Variants in ARHGAP25 observed in about 807,000 individuals in gnomAD.
The protein encoded by ARHGAP25 is rho GTPase-activating protein 25.
Under a neutral mutation model 71.0 loss-of-function variants are expected in ARHGAP25, and 34 were observed. The ratio of observed to expected loss-of-function variants is 0.48; its 90% confidence interval spans 0.36 to 0.64. The LOEUF is 0.64. Among genes scored for constraint, ARHGAP25 ranks in the 30% least tolerant of loss-of-function variants. The pLI, the probability that ARHGAP25 is intolerant of heterozygous loss-of-function variation, is 0.00. For synonymous variants in ARHGAP25, 282 were observed against 296.5 expected (o/e 0.95, Z 0.50); for missense variants, 706 against 805.1 (o/e 0.88, Z 1.49).
chr2:68,795,315 G>A (rs1558643075), intron 4 of ARHGAP25, among the ~76,000 whole-genome samples: 1 of 152,070 alleles, frequency 6.6e-6, no homozygotes, highest in East Asian at 1.9e-4. Flanking sequence ...CTTATTTTGA[G>A]TTTGGTCTGT....
chr2:68,747,304 T>C (rs1212127982), intron 1 of ARHGAP25, among the ~76,000 whole-genome samples: 1 of 152,176 alleles, frequency 6.6e-6, no homozygotes, highest in Non-Finnish European at 1.5e-5. Flanking sequence ...AACAATGAAG[T>C]GTCCCAAGCA....
In ARHGAP25 at chr2:68,735,230, T is replaced by A. The variant is rs780608859; in HGVS notation, c.31T>A (p.Phe11Ile). 6.2e-6 allele frequency: 10 copies of A among 1,614,190 alleles called. No homozygotes were observed. The South Asian group carries it at 9.9e-5, about 16-fold the overall frequency. MSLKLPRNWD[F>I]NLKVEAAKIA... Reference sequence around the variant, plus strand: ...CCTAAAATTGCCAAGGAACTGGGATTTCAACCTGAAAGTGGAGGCTGCGAA... The same window carrying A: ...CCTAAAATTGCCAAGGAACTGGGATATCAACCTGAAAGTGGAGGCTGCGAA... The change falls in exon 1 of 11, where the codon TTC (phenylalanine) becomes ATC (isoleucine). Residue 11 changes from phenylalanine to isoleucine, a missense_variant. Phe to Ile is a conservative substitution (Grantham distance 21, BLOSUM62 0). Coordinates refer to ENST00000409202, the MANE Select transcript of ARHGAP25 (RefSeq NM_001007231.3).
At chr2:68,760,164 A>G (rs1278564658) in intron 1 of ARHGAP25, among the ~76,000 whole-genome samples, 2 of 151,994 alleles carry the variant, frequency 1.3e-5, no homozygotes, top group Non-Finnish European at 2.9e-5. Context: ...CACTCAATAA[A>G]CCAGGAATAG....
intron 2 of ARHGAP25, among the ~76,000 whole-genome samples, chr2:68,729,724 T>A (rs765299151): frequency 7.9e-5 from 12 of 152,230 alleles, no homozygotes; most frequent in Non-Finnish European, 1.6e-4. Context: ...TGTTTGTTCT[T>A]CACCTGACTG....
chr2:68,753,900 A>T (rs1676326771), intron 1 of ARHGAP25, among the ~76,000 whole-genome samples: 2 of 142,354 alleles, frequency 1.4e-5, no homozygotes, highest in Non-Finnish European at 3.1e-5. Context: ...ATTCGGTAAG[A>T]TGTATTTTTT....
At chr2:68,770,120 C>A (rs971043616) in intron 1 of ARHGAP25, among the ~76,000 whole-genome samples, 6 of 151,996 alleles carry the variant, frequency 3.9e-5, no homozygotes, top group African/African-American at 1.2e-4. Flanking sequence ...ATCAGAGAGA[C>A]CAGCGGAGGT....
rs750955433 is a variant in ARHGAP25 at position 68,816,373 on chromosome 2, C to A, written c.881+11C>A. The A allele has an allele frequency of 4.4e-6, 7 of 1,604,772 alleles. No homozygotes were observed. In the Admixed American group the frequency reaches 1.2e-4, roughly 27 times the overall value. On this transcript the variant is annotated intron_variant, in intron 7 of 10. Transcript: ENST00000409202. The stretch of plus-strand genomic sequence containing the variant: ...GAGCTACATCTGCAGGTGAGAGGCC[C>A]CTGGTATCAACTCTGCAGTTTTCAA...
chr2:68,817,092 T>G (rs1352010799), intron 7 of ARHGAP25, among the ~76,000 whole-genome samples: 3 of 146,922 alleles, frequency 2.0e-5, no homozygotes, highest in African/African-American at 7.6e-5. Context: ...AAATCAAAAT[T>G]ATATAAAGGA....
intron 1 of ARHGAP25, among the ~76,000 whole-genome samples, chr2:68,771,242 T>A (rs1037423428): frequency 1.3e-5 from 2 of 152,188 alleles, no homozygotes; most frequent in Admixed American, 6.5e-5. Context: ...CCCAAGGTGT[T>A]CTGTAAACAC....
At chr2:68,822,920 G>C (rs1681818669) in intron 10 of ARHGAP25, 48 bp downstream of exon 10, 1 of 1,523,638 alleles carries the variant, frequency 6.6e-7, no homozygotes, top group Non-Finnish European at 8.8e-7. Flanking sequence ...TCCATCTTTA[G>C]AGACAAGAGG....
chr2:68,732,364 A>T (rs1675043757), upstream of ARHGAP25, among the ~76,000 whole-genome samples: 2 of 152,176 alleles, frequency 1.3e-5, no homozygotes, highest in African/African-American at 4.8e-5. Flanking sequence ...TATTTTCAAC[A>T]TTCCTCAGTT....
chr2:68,758,718 GAAGA>G (rs898660941), intron 1 of ARHGAP25, among the ~76,000 whole-genome samples: 40 of 151,878 alleles, frequency 2.6e-4, no homozygotes, highest in African/African-American at 9.4e-4. Context: ...GAAGATAAGT[GAAGA>G]AATAGAGGAC....
At chr2:68,747,509 C>T (rs898308202) in intron 1 of ARHGAP25, among the ~76,000 whole-genome samples, 1 of 152,192 alleles carries the variant, frequency 6.6e-6, no homozygotes, top group South Asian at 2.1e-4. Flanking sequence ...AGTCCCCCGT[C>T]CTCTTCCGTT....
chr2:68,810,396 A>G, intron 5 of ARHGAP25, among the ~76,000 whole-genome samples: 1 of 152,226 alleles, frequency 6.6e-6, no homozygotes, highest in East Asian at 1.9e-4. Context: ...GAGGTCCCCA[A>G]GAAAATGACA....
At chr2:68,782,394 C>T in intron 3 of ARHGAP25, 74 bp downstream of exon 3, 1 of 1,361,290 alleles carries the variant, frequency 7.3e-7, no homozygotes, top group Non-Finnish European at 1.0e-6. Flanking sequence ...CCCTAGAAGT[C>T]AAAGCTATAT....
At chr2:68,821,012 G>C (rs1681610253) in intron 9 of ARHGAP25, among the ~76,000 whole-genome samples, 1 of 151,416 alleles carries the variant, frequency 6.6e-6, no homozygotes, top group Non-Finnish European at 1.5e-5. Context: ...ATGTTTTCTA[G>C]AGGTGTATAG....
Position 68,799,271 on chromosome 2 carries a change from G to A in ARHGAP25, c.467-8002G>A, listed in dbSNP as rs114177030. 9.4e-3 allele frequency among the ~76,000 whole-genome samples: 1,425 copies of A among 152,244 alleles called. 19 individuals are homozygous for A. Among genetic ancestry groups the A allele is most frequent in the African/African-American group, 0.033 (1,361 of 41,550 alleles). On this transcript the variant is annotated intron_variant, in intron 4 of 10. Coordinates refer to ENST00000409202, the MANE Select transcript of ARHGAP25 (RefSeq NM_001007231.3). ...TGGGTTGGCAGCATGAGACAGCCCC[G>A]GGGCCCTTCCTGACAACCTTGCCTG...
chr2:68,782,254 T>G lies in ARHGAP25; in HGVS notation c.283T>G (p.Cys95Gly). Residue 95 changes from cysteine (C) to glycine (G), a missense_variant, in exon 3 of 11, where the codon TGT (cysteine) becomes GGT (glycine). Coordinates refer to ENST00000409202, the MANE Select transcript of ARHGAP25 (RefSeq NM_001007231.3). ...KPQGCMYLPGCTIKEIATNPE... is the reference protein window; with the variant it reads ...KPQGCMYLPGGTIKEIATNPE... ...TCAGGGCTGCATGTATCTACCAGGA[T>G]GTACAATCAAGGAGATCGCCACAAA... The G allele has an allele frequency of 6.2e-7, 1 of 1,614,166 alleles. No homozygotes were observed. Among genetic ancestry groups the G allele is most frequent in the Non-Finnish European group, 8.5e-7 (1 of 1,180,010 alleles).
At chr2:68,790,563 T>C (rs140664344) in intron 4 of ARHGAP25, among the ~76,000 whole-genome samples, 4 of 152,346 alleles carry the variant, frequency 2.6e-5, no homozygotes, top group African/African-American at 9.6e-5. Flanking sequence ...TCCCAAATAT[T>C]GTGAAGTCAC....
Sources: gnomAD v4.1 joint callset for allele counts (sites outside exome capture counted in the v4.1 genomes callset) on GRCh38, gnomAD v4.1.1 for gene constraint, MANE v1.5 for transcripts, NCBI Gene and HGNC (gene_info 2026-07-23, HGNC 2026-07-21) for gene names.